Variants in NAF1 observed in about 807,000 individuals in gnomAD.
NAF1 encodes H/ACA ribonucleoprotein complex non-core subunit NAF1.
NAF1 carries 11 observed loss-of-function variants against 40.6 expected under a neutral mutation model. The ratio of observed to expected loss-of-function variants is 0.27; its 90% CI spans 0.17 to 0.45. The LOEUF is 0.45. NAF1 is among the 20% of genes least tolerant of loss of function. NAF1 has a pLI of 1.00. For synonymous variants in NAF1, 260 were observed against 228.5 expected (o/e 1.14, Z -1.24); for missense variants, 607 against 611.1 (o/e 0.99, Z 0.07).
intron 2 of NAF1, among the ~76,000 whole-genome samples, chr4:163,150,908 T>C (rs1731674704): frequency 1.3e-5 from 2 of 152,096 alleles, no homozygotes; most frequent in Admixed American, 6.5e-5. Flanking sequence ...CCCCACAACC[T>C]TGCCATTACT....
chr4:163,109,664 A>T (rs762972301), downstream of NAF1, among the ~76,000 whole-genome samples: 1 of 152,232 alleles, frequency 6.6e-6, no homozygotes, highest in Non-Finnish European at 1.5e-5. Context: ...CCTACCTCAC[A>T]GCCTAAAAAA....
chr4:163,136,162 GGTAA>G (rs905848315), intron 6 of NAF1: 9 of 151,892 alleles, frequency 5.9e-5, no homozygotes, highest in African/African-American at 1.9e-4. Context: ...AGGTTAAATC[GGTAA>G]GTATCAAAAA....
chr4:163,141,780 CTTG>C (rs1731271901), intron 4 of NAF1: 1 of 196,078 alleles, frequency 5.1e-6, no homozygotes, highest in Non-Finnish European at 9.2e-6. Context: ...TTCTAAATAG[CTTG>C]GACCAATTTA....
At position 163,140,896 on chromosome 4, in the gene NAF1, A is replaced by G. The variant is rs1242905849; in HGVS notation, c.718-513T>C. The stretch of plus-strand genomic sequence containing the variant: ...GACTTTTTCTAATTTAACAACTAAT[A>G]AAGTAGAAGTTATTTATGTTTAAAA... On this transcript the variant is annotated intron_variant, in intron 4 of 7. Coordinates refer to ENST00000274054, the MANE Select transcript of NAF1 (RefSeq NM_138386.3). Among the ~76,000 whole-genome samples the G allele has an allele frequency of 1.4e-4, 21 of 152,246 alleles. 1 individual carries two copies. Among genetic ancestry groups the G allele is most frequent in the Admixed American group, 1.4e-3 (21 of 15,280 alleles).
At chr4:163,123,003 G>A (rs998437043), downstream of NAF1, among the ~76,000 whole-genome samples, 1 of 152,178 alleles carries the variant, frequency 6.6e-6, no homozygotes, top group African/African-American at 2.4e-5. Context: ...GTAATAGTCT[G>A]TTTTATATTG....
downstream of NAF1, among the ~76,000 whole-genome samples, chr4:163,105,261 C>T (rs1418057603): frequency 6.6e-6 from 1 of 152,170 alleles, no homozygotes; most frequent in Non-Finnish European, 1.5e-5. Context: ...TCACTGTGAA[C>T]TGCAGTTTAC....
chr4:163,123,202 G>A, downstream of NAF1, among the ~76,000 whole-genome samples: 1 of 152,116 alleles, frequency 6.6e-6, no homozygotes. Context: ...CAAGAGAGGT[G>A]CCATGCTCTT....
intron 4 of NAF1, among the ~76,000 whole-genome samples, chr4:163,143,243 C>T (rs1731330324): frequency 6.6e-6 from 1 of 152,050 alleles, no homozygotes. Flanking sequence ...TATATTTTTG[C>T]TACAAGATCT....
At chr4:163,112,457 C>A (rs909690958) in intron 2 of NAF1, among the ~76,000 whole-genome samples, 2 of 152,078 alleles carry the variant, frequency 1.3e-5, no homozygotes, top group Admixed American at 1.3e-4. Context: ...AGAGAGGAAA[C>A]ACATGGATGG....
In NAF1 at chr4:163,148,889, C is replaced by A. The variant is rs1047986691; in HGVS notation, c.541-455G>T. Among the ~76,000 whole-genome samples, 18 of 152,114 alleles carry A rather than the reference C, an allele frequency of 1.2e-4. 1 individual carries two copies. Among genetic ancestry groups the A allele is most frequent in the African/African-American group, 4.3e-4 (18 of 41,438 alleles). ...ACTGTGATTAAACAGAACACAGAAG[C>A]AGCAATCTTTTCTGCGACTGTGTCA... On this transcript the variant is annotated intron_variant, in intron 2 of 7. Transcript: ENST00000274054.
chr4:163,159,208 A>G (rs888951703), intron 2 of NAF1, among the ~76,000 whole-genome samples: 4 of 152,126 alleles, frequency 2.6e-5, no homozygotes, highest in African/African-American at 9.6e-5. Flanking sequence ...TGCCTCATGT[A>G]AGCTTTATTG....
At chr4:163,145,954 A>G in intron 3 of NAF1, 90 bp from the exon 4 acceptor site, 2 of 663,416 alleles carry the variant, frequency 3.0e-6, no homozygotes, top group Non-Finnish European at 4.9e-6. Context: ...AACATAATTT[A>G]AAAAAAAATT....
rs74616769 is a variant in NAF1, at chr4:163,152,201, G to C, written c.541-3767C>G. Among the ~76,000 whole-genome samples the C allele has an allele frequency of 2.3e-3, 356 of 152,022 alleles. 2 individuals carry two copies. Among genetic ancestry groups the C allele is most frequent in the African/African-American group, 8.2e-3 (342 of 41,468 alleles). ...TTTTTATCGGAATTTCTTTTTAATG[G>C]GTTAAGAAAGTATCCATCTATTCCA... On this transcript the variant is annotated intron_variant, in intron 2 of 7. Coordinates refer to ENST00000274054, the MANE Select transcript of NAF1 (RefSeq NM_138386.3).
chr4:163,117,934 AAAT>A (rs1479861222), intron 2 of NAF1, among the ~76,000 whole-genome samples: 2 of 152,130 alleles, frequency 1.3e-5, no homozygotes, highest in South Asian at 2.1e-4. Flanking sequence ...CCTAGGGAAA[AAAT>A]AATAATTTTT....
In NAF1 at chr4:163,140,388, A is replaced by G. The variant is rs747241682; in HGVS notation, c.718-5T>C. On this transcript the variant is annotated splice_polypyrimidine_tract_variant and splice_region_variant and intron_variant, in intron 4 of 7. Transcript: ENST00000274054. ...AGGTCCAAATATCTCGAATATCTGT[A>G]ATAGAAACATAAAGGCCTCTTTTAA... 5.0e-6 allele frequency: 8 copies of G among 1,593,440 alleles called. No homozygotes were observed. The East Asian group carries it at 1.8e-4, about 36-fold the overall frequency.
chr4:163,128,925 C>T lies in NAF1; in HGVS notation c.1457G>A (p.Ser486Asn). Residue 486 changes from serine (S) to asparagine (N), a missense_variant, in exon 8 of 8, where the codon AGT (serine) becomes AAT (asparagine). By Grantham distance (46) the Ser-to-Asn change is conservative (BLOSUM62 1). This residue lies in a region of NAF1 where 189 missense variants were observed against 216.6 expected (regional missense o/e 0.87). Transcript: ENST00000274054. ...ATAGTAAGGTCCAAAATGAGAATTA[C>T]TATCTCCAGAAGAGGGTGGAGGAGG... ...PLPPPPSSGD[S>N]NSHFGPYY 1 of 1,312,250 alleles carries T rather than the reference C, an allele frequency of 7.6e-7. No homozygotes were observed. The highest frequency in any genetic ancestry group is 1.0e-6 in the Non-Finnish European group (1 of 974,060). 81.3% of individuals were successfully genotyped at this position (1,312,250 alleles called of 1,614,324 possible). A position where few individuals can be genotyped will look rare whatever the true frequency, so the allele number is the denominator to read the frequency against.
At chr4:163,151,070 T>C (rs1335008674) in intron 2 of NAF1, among the ~76,000 whole-genome samples, 1 of 152,016 alleles carries the variant, frequency 6.6e-6, no homozygotes, top group African/African-American at 2.4e-5. Context: ...TGTATAACTT[T>C]ACATATTTTT....
At chr4:163,113,996 AAAAC>A (rs1730247642) in intron 2 of NAF1, among the ~76,000 whole-genome samples, 1 of 152,224 alleles carries the variant, frequency 6.6e-6, no homozygotes, top group Non-Finnish European at 1.5e-5. Flanking sequence ...TTCGGTCAGA[AAAAC>A]AAAGCCACTA....
chr4:163,137,857 A>AAT (rs749915536), intron 5 of NAF1, among the ~76,000 whole-genome samples: 25 of 152,294 alleles, frequency 1.6e-4, no homozygotes, highest in Non-Finnish European at 3.4e-4. Flanking sequence ...TCTGAAGGAC[A>AAT]ATATAATGAC....
Sources: gnomAD v4.1 joint callset for allele counts (sites outside exome capture counted in the v4.1 genomes callset) on GRCh38, gnomAD v4.1.1 for gene constraint, gnomAD v4.1.1 regional missense constraint, MANE v1.5 for transcripts, NCBI Gene and HGNC (gene_info 2026-07-23, HGNC 2026-07-21) for gene names.